GRM7: variants seen among roughly 807,000 people sequenced by gnomAD.
GRM7 encodes the protein glutamate metabotropic receptor 7, also known as metabotropic glutamate receptor 7.
A neutral mutation model predicts 84.5 loss-of-function variants in GRM7; 35 were observed. The ratio of observed to expected loss-of-function variants is 0.41; its 90% CI spans 0.32 to 0.55. GRM7 has a LOEUF of 0.55. Ranked by LOEUF, GRM7 falls within the 20% of genes least tolerant of loss-of-function variation. The probability of loss-of-function intolerance (pLI) is 0.19; values close to 1 mark genes in which losing one functional copy is unlikely to be tolerated. For synonymous variants in GRM7, 487 were observed against 455.1 expected (o/e 1.07, Z -0.89); for missense variants, 1,003 against 1,194.6 (o/e 0.84, Z 2.36).
intron 1 of GRM7, among the ~76,000 whole-genome samples, chr3:6,969,196 G>T (rs522273): frequency 0.87 from 131,685 of 152,082 alleles, 57,143 homozygotes; most frequent in East Asian, 1. Flanking sequence ...TTCAAAGTTG[G>T]CCCCATCAGG....
intron 1 of GRM7, among the ~76,000 whole-genome samples, chr3:6,981,258 T>C (rs1694188261): frequency 6.6e-6 from 1 of 152,214 alleles, no homozygotes; most frequent in Admixed American, 6.5e-5. Flanking sequence ...ATCTTGGCTT[T>C]AAGAACTCTG....
intron 7 of GRM7, among the ~76,000 whole-genome samples, chr3:7,560,117 A>ACAG (rs1384689297): frequency 6.6e-6 from 1 of 152,072 alleles, no homozygotes; most frequent in African/African-American, 2.4e-5. Context: ...ACCCTTAATT[A>ACAG]CAGAGTTTCA....
chr3:6,932,674 C>A (rs1005264465), intron 1 of GRM7, among the ~76,000 whole-genome samples: 1 of 150,316 alleles, frequency 6.7e-6, no homozygotes, highest in Non-Finnish European at 1.5e-5. Flanking sequence ...TCACATATAA[C>A]TTTCCAGTTG....
intron 1 of GRM7, among the ~76,000 whole-genome samples, chr3:6,908,660 AG>A (rs1346335439): frequency 6.6e-6 from 1 of 152,184 alleles, no homozygotes; most frequent in Non-Finnish European, 1.5e-5. Flanking sequence ...TCCTTTTATG[AG>A]GACACTAAGA....
At chr3:6,969,282 C>G (rs891227383) in intron 1 of GRM7, among the ~76,000 whole-genome samples, 1 of 152,144 alleles carries the variant, frequency 6.6e-6, no homozygotes, top group African/African-American at 2.4e-5. Flanking sequence ...TCATTTTACA[C>G]ACATAAGTTG....
intron 7 of GRM7, among the ~76,000 whole-genome samples, chr3:7,503,724 A>G (rs1168191597): frequency 6.6e-6 from 1 of 152,164 alleles, no homozygotes; most frequent in African/African-American, 2.4e-5. Flanking sequence ...AATCCTCTGA[A>G]GTCAATTGCT....
intron 1 of GRM7, among the ~76,000 whole-genome samples, chr3:6,940,950 G>C (rs1474260364): frequency 6.6e-6 from 1 of 152,194 alleles, no homozygotes; most frequent in Non-Finnish European, 1.5e-5. Context: ...ATGTCCACAT[G>C]GGTTGAACGT....
chr3:7,567,244 A>G (rs1221304421), intron 7 of GRM7, among the ~76,000 whole-genome samples: 1 of 152,212 alleles, frequency 6.6e-6, no homozygotes, highest in Non-Finnish European at 1.5e-5. Context: ...TTCCACTACA[A>G]TATTGTATGT....
chr3:7,082,524 T>G (rs970339006), intron 1 of GRM7, among the ~76,000 whole-genome samples: 1 of 152,166 alleles, frequency 6.6e-6, no homozygotes, highest in African/African-American at 2.4e-5. Context: ...ACATCCATTG[T>G]GCAGCCTATG....
chr3:7,249,324 C>A (rs1398530306), intron 2 of GRM7, among the ~76,000 whole-genome samples: 1 of 152,014 alleles, frequency 6.6e-6, no homozygotes, highest in African/African-American at 2.4e-5. Context: ...TGCTAGTGTA[C>A]CATCTGCAAA....
chr3:7,472,809 G>A (rs541481713), intron 7 of GRM7, among the ~76,000 whole-genome samples: 300 of 152,176 alleles, frequency 2.0e-3, no homozygotes, highest in Middle Eastern at 6.8e-3. Context: ...TAACTTAGTC[G>A]TGCTAACTAA....
At chr3:6,934,280 A>G (rs1173687586) in intron 1 of GRM7, among the ~76,000 whole-genome samples, 1 of 152,158 alleles carries the variant, frequency 6.6e-6, no homozygotes, top group Non-Finnish European at 1.5e-5. Context: ...TAGGAGACAC[A>G]CAGTGGTATT....
intron 1 of GRM7, among the ~76,000 whole-genome samples, chr3:6,940,315 C>A (rs961776150): frequency 5.3e-5 from 8 of 152,150 alleles, no homozygotes; most frequent in African/African-American, 1.7e-4. Flanking sequence ...TGGTCTCGAT[C>A]TCTTGACCTC....
At chr3:7,507,898 A>T (rs535889182) in intron 7 of GRM7, among the ~76,000 whole-genome samples, 1 of 152,148 alleles carries the variant, frequency 6.6e-6, no homozygotes, top group Non-Finnish European at 1.5e-5. Flanking sequence ...TGCTTGTTCA[A>T]CACTTATTTC....
intron 1 of GRM7, among the ~76,000 whole-genome samples, chr3:6,939,295 A>T (rs1697806016): frequency 6.6e-6 from 1 of 152,194 alleles, no homozygotes; most frequent in South Asian, 2.1e-4. Context: ...TGTGGTAGTG[A>T]TTCACATCAT....
intron 2 of GRM7, among the ~76,000 whole-genome samples, chr3:7,193,952 A>T (rs1695799497): frequency 6.6e-6 from 1 of 152,130 alleles, no homozygotes; most frequent in Non-Finnish European, 1.5e-5. Context: ...TTACTTCAAG[A>T]TTAAAAATTA....
chr3:6,914,687 C>A (rs1020114564), intron 1 of GRM7, among the ~76,000 whole-genome samples: 30 of 141,066 alleles, frequency 2.1e-4, no homozygotes, highest in African/African-American at 7.4e-4. Context: ...AGGTGTGAGC[C>A]ACCGTGCCCG....
intron 1 of GRM7, among the ~76,000 whole-genome samples, chr3:6,882,123 A>G (rs895989541): frequency 1.3e-5 from 2 of 152,094 alleles, no homozygotes; most frequent in African/African-American, 4.8e-5. Flanking sequence ...TTATTCCAAG[A>G]TCTCCAATTC....
At chr3:7,467,749 G>GAT (rs1698521662) in intron 7 of GRM7, among the ~76,000 whole-genome samples, 2 of 151,986 alleles carry the variant, frequency 1.3e-5, no homozygotes, top group Non-Finnish European at 1.5e-5. Flanking sequence ...AATAAATTAA[G>GAT]ACAATTTATG....
Sources: allele counts gnomAD v4.1 joint callset (sites outside exome capture counted in the v4.1 genomes callset), GRCh38; gene constraint gnomAD v4.1.1; transcripts MANE v1.5; gene names NCBI Gene and HGNC (gene_info 2026-07-23, HGNC 2026-07-21).